Variants in LUZP1 observed in about 807,000 individuals in gnomAD.
LUZP1 encodes the protein leucine zipper protein 1.
Under a neutral mutation model 71.3 loss-of-function variants are expected in LUZP1, and 25 were observed. The observed-to-expected ratio is 0.35, with a 90% confidence interval of 0.26 to 0.49. The LOEUF is 0.49. LUZP1 is among the 20% of genes least tolerant of loss of function. LUZP1 has a pLI of 0.99. For synonymous variants in LUZP1, 481 were observed against 506.4 expected, an observed-to-expected ratio of 0.95 and a Z score of 0.67; for missense variants, 1,142 against 1,300.8, an observed-to-expected ratio of 0.88 and a Z score of 1.88.
In LUZP1 at chr1:23,092,796, T is replaced by G. The variant is rs776038918; in HGVS notation, c.1466A>C (p.Lys489Thr). 35 of 1,613,708 alleles carry G rather than the reference T, an allele frequency of 2.2e-5. No homozygotes were observed. Among genetic ancestry groups the G allele is most frequent in the Non-Finnish European group, 2.8e-5 (33 of 1,179,894 alleles). ...CTCGGTGCCTGGCTTGGAAGTCCCC[T>G]TCCACGCTTTACTGTGCTCCTGAGC... Residue 489 changes from lysine to threonine, a missense_variant, in exon 4 of 5, where the codon AAG becomes ACG. Coordinates refer to ENST00000302291, the Ensembl canonical transcript of LUZP1.
chr1:23,092,835 C>G, exon 4 of LUZP1: 1 of 1,613,778 alleles, frequency 6.2e-7, no homozygotes, highest in Non-Finnish European at 8.5e-7. Flanking sequence ...CGGGGGGTAG[C>G]GACTCAGCAC....
intron 3 of LUZP1, among the ~76,000 whole-genome samples, chr1:23,106,588 G>C (rs531564583): frequency 1.3e-5 from 2 of 152,192 alleles, no homozygotes; most frequent in South Asian, 4.1e-4. Context: ...CTGTGTGACA[G>C]AGTGAGACCC....
At chr1:23,089,601 C>CTT (rs11458975) in intron 4 of LUZP1, among the ~76,000 whole-genome samples, 22 of 150,892 alleles carry the variant, frequency 1.5e-4, no homozygotes, top group East Asian at 3.9e-4. Context: ...AGAATTCTAC[C>CTT]TTTTTTTTTG....
chr1:23,161,774 A>G (rs1644468138), intron 2 of LUZP1, among the ~76,000 whole-genome samples: 1 of 152,156 alleles, frequency 6.6e-6, no homozygotes, highest in Non-Finnish European at 1.5e-5. Context: ...CTGTAATCCC[A>G]GCACCTTGGG....
chr1:23,131,432 A>G (rs574788596), intron 2 of LUZP1, among the ~76,000 whole-genome samples: 4 of 151,924 alleles, frequency 2.6e-5, no homozygotes, highest in South Asian at 2.1e-4. Flanking sequence ...CTCCATCTCA[A>G]TCTGAAATTA....
At chr1:23,176,073 T>G (rs559512611) in intron 1 of LUZP1, among the ~76,000 whole-genome samples, 1 of 151,338 alleles carries the variant, frequency 6.6e-6, no homozygotes, top group South Asian at 2.1e-4. Context: ...TTTTTTTTTT[T>G]TTTTTTTAGA....
intron 2 of LUZP1, among the ~76,000 whole-genome samples, chr1:23,127,314 A>C (rs115947393): frequency 6.7e-4 from 102 of 152,342 alleles, no homozygotes; most frequent in African/African-American, 2.4e-3. Flanking sequence ...ATTCAGGTCT[A>C]CCTGACTTTA....
In LUZP1 at chr1:23,093,559, G is replaced by A; in HGVS notation, c.703C>T (p.Leu235=). ...TCAATCCGTAGGTCATTTCTTTCCA[G>A]ATTAGAAGCATTCCTTGTATAATCT... Residue 235 remains leucine (L), a synonymous_variant, in exon 4 of 5, where the codon CTG becomes TTG. Coordinates refer to ENST00000302291, the Ensembl canonical transcript of LUZP1. The surrounding 1 kb of genome is among the most constrained non-coding windows in gnomAD (Gnocchi z 4.2). 6.2e-7 allele frequency: 1 copy of A among 1,613,898 alleles called. No individual in the cohort carries two copies. Among genetic ancestry groups the A allele is most frequent in the Non-Finnish European group, 8.5e-7 (1 of 1,179,980 alleles).
Position 23,113,737 on chromosome 1 carries a change from G to A in LUZP1, c.-225-4610C>T, listed in dbSNP as rs566497850. Among the ~76,000 whole-genome samples, 148 of 151,388 alleles carry A rather than the reference G, an allele frequency of 9.8e-4. 2 individuals are homozygous for A. Among genetic ancestry groups the A allele is most frequent in the African/African-American group, 3.4e-3 (142 of 41,262 alleles). On this transcript the variant is annotated intron_variant, in intron 2 of 4. Transcript: ENST00000302291. ...TCTACTAAAAATACAAAAATTAGCC[G>A]GGTGTTGTGGCGCGCGCCTGTAGTC...
intron 2 of LUZP1, among the ~76,000 whole-genome samples, chr1:23,141,310 C>T (rs1182694303): frequency 6.6e-6 from 1 of 152,174 alleles, no homozygotes; most frequent in Admixed American, 6.5e-5. Flanking sequence ...AGACAAAAAG[C>T]CTTGGGCAGT....
At chr1:23,132,564 T>C (rs530034832) in intron 2 of LUZP1, among the ~76,000 whole-genome samples, 1 of 151,746 alleles carries the variant, frequency 6.6e-6, no homozygotes, top group Non-Finnish European at 1.5e-5. Flanking sequence ...TGGAGACATC[T>C]GAATATGGGC....
exon 2 of LUZP1, chr1:23,169,012 T>A (rs562173880): frequency 6.6e-6 from 1 of 152,308 alleles, no homozygotes; most frequent in East Asian, 1.9e-4. Context: ...AGCTGGGTCC[T>A]GTGCTAGGCG....
At chr1:23,127,918 G>A (rs1048525296) in intron 2 of LUZP1, among the ~76,000 whole-genome samples, 1 of 152,124 alleles carries the variant, frequency 6.6e-6, no homozygotes, top group African/African-American at 2.4e-5. Context: ...GGACCAAGAG[G>A]TCAGGAGTTC....
At chr1:23,101,533 T>G (rs969927475) in intron 3 of LUZP1, among the ~76,000 whole-genome samples, 3 of 152,182 alleles carry the variant, frequency 2.0e-5, no homozygotes, top group Admixed American at 2.0e-4. Context: ...ATCAACTACC[T>G]TACAGCAACA....
intron 3 of LUZP1, among the ~76,000 whole-genome samples, chr1:23,102,033 C>CT (rs34752235): frequency 9.4e-5 from 14 of 149,706 alleles, no homozygotes; most frequent in Admixed American, 3.3e-4. Flanking sequence ...TTCTATCCTG[C>CT]TTTTTTTTTT....
intron 2 of LUZP1, among the ~76,000 whole-genome samples, chr1:23,124,747 T>C (rs911602534): frequency 2.0e-5 from 3 of 152,150 alleles, no homozygotes; most frequent in African/African-American, 7.2e-5. Context: ...AAAAGATTAC[T>C]CAACTAGATG....
intron 2 of LUZP1, among the ~76,000 whole-genome samples, chr1:23,134,973 C>T (rs934203482): frequency 6.6e-6 from 1 of 152,132 alleles, no homozygotes; most frequent in Non-Finnish European, 1.5e-5. Context: ...CTTCCTCATG[C>T]TCTCCCTCCT....
At chr1:23,173,876 A>G (rs765957557) in intron 1 of LUZP1, among the ~76,000 whole-genome samples, 26 of 152,136 alleles carry the variant, frequency 1.7e-4, no homozygotes, top group Non-Finnish European at 2.9e-4. Flanking sequence ...CCCTGACCCT[A>G]GCCCTTGGTT....
intron 1 of LUZP1, among the ~76,000 whole-genome samples, chr1:23,171,099 AATAT>A (rs544526974): frequency 7.2e-5 from 10 of 139,434 alleles, no homozygotes; most frequent in African/African-American, 2.4e-4. Context: ...AAAAAAAAAA[AATAT>A]ATATATATAT....
Sources: allele counts gnomAD v4.1 joint callset (sites outside exome capture counted in the v4.1 genomes callset), GRCh38; gene constraint gnomAD v4.1.1; non-coding constraint Gnocchi (gnomAD v3.1); transcripts MANE v1.5; gene names NCBI Gene and HGNC (gene_info 2026-07-23, HGNC 2026-07-21).